ZNF560: variants seen among roughly 807,000 people sequenced by gnomAD.
ZNF560 encodes zinc finger protein 560.
ZNF560 carries 54 observed loss-of-function variants against 81.8 expected under a neutral mutation model. The observed-to-expected ratio is 0.66, with a 90% CI of 0.53 to 0.83. ZNF560 has a LOEUF of 0.83. Ranked by LOEUF, ZNF560 falls within the 40% of genes least tolerant of loss-of-function variation. The pLI is 0.00. For missense variants in ZNF560, 940 were observed against 932.4 expected, an observed-to-expected ratio of 1.01 and a Z score of -0.11; for synonymous variants, 321 against 317.9, an observed-to-expected ratio of 1.01 and a Z score of -0.10.
chr19:9,460,950 G>A, the ZNF560 span, among the ~76,000 whole-genome samples: 1 of 152,158 alleles, frequency 6.6e-6, no homozygotes, highest in Admixed American at 6.5e-5. Context: ...TGTTCAGCTG[G>A]TCTGAATAAA....
chr19:9,469,867 G>A (rs7260186), intron 7 of ZNF560, 157 bp from the exon 8 acceptor site: 10,302 of 605,142 alleles, frequency 0.017, 817 homozygotes, highest in African/African-American at 0.17. Flanking sequence ...GGTTATCTCT[G>A]ACCTCTGAAA....
intron 2 of ZNF560, among the ~76,000 whole-genome samples, chr19:9,481,866 C>G (rs2073294675): frequency 6.6e-6 from 1 of 152,186 alleles, no homozygotes; most frequent in African/African-American, 2.4e-5. Flanking sequence ...GACAGTGTGG[C>G]AATTCCTCAA....
At chr19:9,449,617 A>G in the ZNF560 span, among the ~76,000 whole-genome samples, 1 of 152,320 alleles carries the variant, frequency 6.6e-6, no homozygotes, top group Non-Finnish European at 1.5e-5. Context: ...AGAGCCATCT[A>G]TGACATAGCT....
At chr19:9,489,914 A>G (rs2073444841) in intron 2 of ZNF560, among the ~76,000 whole-genome samples, 1 of 152,196 alleles carries the variant, frequency 6.6e-6, no homozygotes, top group African/African-American at 2.4e-5. Context: ...CTTTATAGCA[A>G]TGTGAGAATA....
chr19:9,498,984 A>C (rs2073607392), upstream of ZNF560, among the ~76,000 whole-genome samples: 1 of 152,196 alleles, frequency 6.6e-6, no homozygotes, highest in South Asian at 2.1e-4. Context: ...GATTCTCTCC[A>C]GTTGATAACC....
chr19:9,503,409 A>C (rs979374016), upstream of ZNF560, among the ~76,000 whole-genome samples: 1 of 152,204 alleles, frequency 6.6e-6, no homozygotes, highest in African/African-American at 2.4e-5. Flanking sequence ...TCCAAGAACA[A>C]GGCACAAGCA....
In ZNF560 at chr19:9,471,377, G is replaced by A; in HGVS notation, c.240C>T (p.Asp80=). 6.5e-7 allele frequency: 1 copy of A among 1,541,590 alleles called. No individual in the cohort carries two copies. Among genetic ancestry groups the A allele is most frequent in the South Asian group, 1.3e-5 (1 of 77,996 alleles). Reference sequence around the variant, plus strand: ...CACTGGTTTGATGTTTTATTGCCCAGTCTGAAACAAAAACATAAACTGAGG... The same window carrying A: ...CACTGGTTTGATGTTTTATTGCCCAATCTGAAACAAAAACATAAACTGAGG... ...LRTLQQGVLQ[D]WAIKHQTSVS... Residue 80 remains aspartate (D), a splice_region_variant and synonymous_variant, in exon 6 of 10, where the codon GAC becomes GAT. Coordinates refer to ENST00000301480, the MANE Select transcript of ZNF560 (RefSeq NM_152476.3).
intron 2 of ZNF560, among the ~76,000 whole-genome samples, chr19:9,495,522 A>G (rs895907882): frequency 2.6e-5 from 4 of 152,220 alleles, no homozygotes; most frequent in African/African-American, 9.6e-5. Context: ...CCTGGCCAAC[A>G]TGATGATACC....
intron 2 of ZNF560, among the ~76,000 whole-genome samples, chr19:9,482,045 C>A (rs2073297722): frequency 6.6e-6 from 1 of 152,124 alleles, no homozygotes; most frequent in Non-Finnish European, 1.5e-5. Context: ...CAATGATAGA[C>A]TGGATTAAGA....
At chr19:9,463,037 G>A (rs1419472807), downstream of ZNF560, among the ~76,000 whole-genome samples, 1 of 152,182 alleles carries the variant, frequency 6.6e-6, no homozygotes, top group Non-Finnish European at 1.5e-5. Context: ...AGAAATAAAA[G>A]TATGCTTGTT....
At chr19:9,459,505 A>G in the ZNF560 span, among the ~76,000 whole-genome samples, 1 of 152,142 alleles carries the variant, frequency 6.6e-6, no homozygotes, top group Non-Finnish European at 1.5e-5. Context: ...GATCAGACTG[A>G]ACACTAGGCC....
At chr19:9,453,039 T>C in the ZNF560 span, among the ~76,000 whole-genome samples, 1 of 152,166 alleles carries the variant, frequency 6.6e-6, no homozygotes, top group Non-Finnish European at 1.5e-5. Context: ...TCCTAAGGTG[T>C]TTATATTTGA....
intron 2 of ZNF560, among the ~76,000 whole-genome samples, chr19:9,497,229 T>C (rs1402132662): frequency 6.6e-6 from 1 of 150,430 alleles, no homozygotes; most frequent in Non-Finnish European, 1.5e-5. Context: ...AAATATTAGA[T>C]AACATTATTA....
chr19:9,464,459 G>A (rs1246431184), downstream of ZNF560, among the ~76,000 whole-genome samples: 1 of 152,188 alleles, frequency 6.6e-6, no homozygotes, highest in Non-Finnish European at 1.5e-5. Context: ...CCACGGCCAT[G>A]AAATCACGGT....
At chr19:9,478,159 T>C (rs183240569) in intron 2 of ZNF560, among the ~76,000 whole-genome samples, 51 of 151,956 alleles carry the variant, frequency 3.4e-4, no homozygotes, top group Middle Eastern at 6.8e-3. Context: ...AAGATGCAAA[T>C]CACATATGAA....
At chr19:9,468,883 C>T (rs1374934065) in intron 9 of ZNF560, among the ~76,000 whole-genome samples, 1 of 152,102 alleles carries the variant, frequency 6.6e-6, no homozygotes, top group Non-Finnish European at 1.5e-5. Flanking sequence ...GTACACACCA[C>T]TATGCCCAGC....
the ZNF560 span, among the ~76,000 whole-genome samples, chr19:9,458,293 T>G: frequency 6.6e-6 from 1 of 152,330 alleles, no homozygotes; most frequent in Non-Finnish European, 1.5e-5. Context: ...TGAAATTAAC[T>G]AATTGGATTC....
chr19:9,468,842 G>A (rs2073077261), intron 9 of ZNF560, among the ~76,000 whole-genome samples: 1 of 148,244 alleles, frequency 6.7e-6, no homozygotes, highest in Non-Finnish European at 1.5e-5. Context: ...CAATTCTTCT[G>A]CCTCAGCCTC....
At chr19:9,494,911 A>C (rs142156241) in intron 2 of ZNF560, among the ~76,000 whole-genome samples, 2,445 of 151,300 alleles carry the variant, frequency 0.016, 42 homozygotes, top group Middle Eastern at 0.038. Flanking sequence ...GTCTCAAAAA[A>C]AAACAAACAA....
Sources: gnomAD v4.1 joint callset for allele counts (sites outside exome capture counted in the v4.1 genomes callset) on GRCh38, gnomAD v4.1.1 for gene constraint, MANE v1.5 for transcripts, NCBI Gene and HGNC (gene_info 2026-07-23, HGNC 2026-07-21) for gene names.